The following CABIN1 variants were observed in gnomAD, a reference collection of about 807,000 sequenced individuals.
CABIN1 encodes the protein calcineurin binding protein 1, also known as calcineurin-binding protein cabin-1.
Under a neutral mutation model 227.7 loss-of-function variants are expected in CABIN1, and 133 were observed. The ratio of observed to expected loss-of-function variants is 0.58; its 90% CI spans 0.51 to 0.67. The LOEUF is 0.67. CABIN1 is among the 30% of genes least tolerant of loss of function. The pLI is 0.00. For synonymous variants in CABIN1, 1,086 were observed against 1,155.1 expected (o/e 0.94, Z 1.21); for missense variants, 2,408 against 2,852.5 (o/e 0.84, Z 3.55).
chr22:24,140,288 A>G (rs2044675613), intron 29 of CABIN1, among the ~76,000 whole-genome samples: 1 of 152,204 alleles, frequency 6.6e-6, no homozygotes, highest in South Asian at 2.1e-4. Flanking sequence ...AGCAGCACAG[A>G]TGGACGTGTA....
chr22:24,063,223 G>GGTGTGT (rs531695620), intron 14 of CABIN1, 77 bp downstream of exon 14: 1 of 1,431,018 alleles, frequency 7.0e-7, no homozygotes. Flanking sequence ...CCATGTTGAG[G>GGTGTGT]GTGTGTGTGT....
At chr22:24,053,952 G>T (rs1327515614) in intron 8 of CABIN1, among the ~76,000 whole-genome samples, 2 of 152,164 alleles carry the variant, frequency 1.3e-5, no homozygotes, top group Non-Finnish European at 2.9e-5. Context: ...TCTGACTGAG[G>T]CACAGGCATT....
rs374383341 is a variant in CABIN1, at chr22:24,060,106, C to G, written c.1582C>G (p.Pro528Ala). The change falls in exon 12 of 37, where the codon CCG becomes GCG. Residue 528 changes from proline to alanine, a missense_variant. Physicochemically the swap from Pro to Ala is conservative, Grantham distance 27. Transcript: ENST00000263119. ...WRRHSTSLPN[P>A]LLRDCSNKHI... ...GAGGCACAGCACCAGCCTGCCCAAC[C>G]CGCTGCTGAGGGACTGCAGCAACAA... is the stretch of plus-strand genomic sequence containing the variant. 3.7e-6 allele frequency: 6 copies of G among 1,613,950 alleles called. No homozygotes were observed. In the Admixed American group the frequency reaches 8.3e-5, roughly 22 times the overall value.
At position 24,070,915 on chromosome 22, in the gene CABIN1, G is replaced by A. The variant is rs2040039006; in HGVS notation, c.2348G>A (p.Trp783Ter). 2 of 1,614,248 alleles carry A rather than the reference G, an allele frequency of 1.2e-6. No individual in the cohort carries two copies. The highest frequency in any genetic ancestry group is 1.7e-6 in the Non-Finnish European group (2 of 1,180,048). ...NSGEAAAKEE[W>*]VATVTQLLMG... is the part of the protein sequence containing the mutation. ...GGTGAGGCTGCCGCCAAGGAGGAGT[G>A]GGTGGCCACAGTGACCCAACTGCTG... The change falls in exon 17 of 37, where the codon TGG (tryptophan) becomes TAG (stop). Residue 783 changes from tryptophan (W) to a stop codon, truncating the protein, a stop_gained. Transcript: ENST00000263119. LOFTEE classifies it high-confidence loss of function.
chr22:24,141,846 T>A (rs1045430656), intron 29 of CABIN1, among the ~76,000 whole-genome samples: 4 of 152,198 alleles, frequency 2.6e-5, no homozygotes, highest in Admixed American at 2.0e-4. Flanking sequence ...ACAGTCATCA[T>A]GAGCTGTCTT....
chr22:24,096,558 G>C (rs1252574545), intron 25 of CABIN1, among the ~76,000 whole-genome samples: 2 of 152,174 alleles, frequency 1.3e-5, no homozygotes, highest in African/African-American at 4.8e-5. Context: ...GGGCTCAGGT[G>C]TGGTCCTCTC....
chr22:24,099,595 T>C (rs940224238), intron 26 of CABIN1, among the ~76,000 whole-genome samples: 3 of 152,214 alleles, frequency 2.0e-5, no homozygotes, highest in African/African-American at 7.2e-5. Flanking sequence ...CTCCCCTTCT[T>C]AGTTAAGTTA....
chr22:24,151,666 A>G (rs1218552981), intron 29 of CABIN1, among the ~76,000 whole-genome samples: 1 of 152,020 alleles, frequency 6.6e-6, no homozygotes, highest in Non-Finnish European at 1.5e-5. Flanking sequence ...ATCACACTTC[A>G]GGCCTCAGCT....
At chr22:24,096,569 A>G (rs750971692) in intron 25 of CABIN1, among the ~76,000 whole-genome samples, 3 of 152,104 alleles carry the variant, frequency 2.0e-5, no homozygotes, top group Non-Finnish European at 4.4e-5. Flanking sequence ...TGGTCCTCTC[A>G]GTGGGCCTGG....
chr22:24,101,904 C>T (rs932259540), intron 26 of CABIN1, among the ~76,000 whole-genome samples: 26 of 152,100 alleles, frequency 1.7e-4, no homozygotes, highest in Non-Finnish European at 3.5e-4. Context: ...TAATTACGCC[C>T]TACCACTCAA....
In CABIN1 at chr22:24,177,780, A is replaced by C; in HGVS notation, c.6482A>C (p.Lys2161Thr). ...CCCACCCCAACCCTGCTCTCCCCCA[A>C]AGGCAGCATCTCGGAGGAGACCAAG... ...TPPTPTLLSP[K>T]GSISEETKQK... Residue 2161 changes from lysine to threonine, a missense_variant, in exon 36 of 37, where the codon AAA (lysine) becomes ACA (threonine). Physicochemically the swap from Lys to Thr is moderately conservative, Grantham distance 78. Transcript: ENST00000263119. This position sits in a 1 kb window ranked among gnomAD's most constrained non-coding sequence, Gnocchi z 4.4. 1 of 1,608,876 alleles carries C rather than the reference A, an allele frequency of 6.2e-7. No homozygotes were observed. Among genetic ancestry groups the C allele is most frequent in the Non-Finnish European group, 8.5e-7 (1 of 1,176,620 alleles).
At chr22:24,051,772 G>A (rs1260662805) in intron 8 of CABIN1, among the ~76,000 whole-genome samples, 1 of 152,014 alleles carries the variant, frequency 6.6e-6, no homozygotes, top group South Asian at 2.1e-4. Context: ...GCAACGGGGA[G>A]AGCAACATCT....
chr22:24,172,735 G>C (rs1376450525), intron 34 of CABIN1, among the ~76,000 whole-genome samples: 1 of 152,226 alleles, frequency 6.6e-6, no homozygotes, highest in Admixed American at 6.5e-5. Context: ...AGGCAGCGCT[G>C]CTACAGCCAG....
chr22:24,052,659 C>T (rs894778739), intron 8 of CABIN1, among the ~76,000 whole-genome samples: 2 of 151,690 alleles, frequency 1.3e-5, no homozygotes, highest in Non-Finnish European at 1.5e-5. Flanking sequence ...GATATGGTGG[C>T]ACACACCTGT....
At chr22:24,114,012 A>C (rs1175056476) in intron 27 of CABIN1, among the ~76,000 whole-genome samples, 1 of 152,196 alleles carries the variant, frequency 6.6e-6, no homozygotes, top group Non-Finnish European at 1.5e-5. Context: ...TGACCCTCAC[A>C]ACCCAGCCCG....
At chr22:24,063,927 C>A in intron 14 of CABIN1, 108 bp from the exon 15 acceptor site, 1 of 1,426,824 alleles carries the variant, frequency 7.0e-7, no homozygotes, top group Non-Finnish European at 9.8e-7. Flanking sequence ...TGGTAAAAAA[C>A]CCACCCTCAT....
intron 8 of CABIN1, among the ~76,000 whole-genome samples, chr22:24,054,351 C>G (rs995595826): frequency 1.3e-5 from 2 of 152,176 alleles, no homozygotes; most frequent in African/African-American, 4.8e-5. Flanking sequence ...TCTCCTGTTG[C>G]CATCCAGCAG....
intron 26 of CABIN1, among the ~76,000 whole-genome samples, chr22:24,101,107 T>G (rs971966255): frequency 1.3e-5 from 2 of 152,134 alleles, no homozygotes; most frequent in Non-Finnish European, 2.9e-5. Context: ...GGATCCTGGT[T>G]TCCTACCCCC....
intron 32 of CABIN1, 80 bp from the exon 33 acceptor site, chr22:24,168,367 G>T: frequency 7.1e-7 from 1 of 1,407,472 alleles, no homozygotes; most frequent in Non-Finnish European, 9.8e-7. Flanking sequence ...AGGCTGGTCT[G>T]TGCTACATAC....
Sources: allele counts gnomAD v4.1 joint callset (sites outside exome capture counted in the v4.1 genomes callset), GRCh38; gene constraint gnomAD v4.1.1; non-coding constraint Gnocchi (gnomAD v3.1); transcripts MANE v1.5; gene names NCBI Gene and HGNC (gene_info 2026-07-23, HGNC 2026-07-21).